Variants in GPBP1L1 observed in about 807,000 individuals in gnomAD.
GPBP1L1 encodes GC-rich promoter binding protein 1 like 1, also known as vasculin-like protein 1.
A neutral mutation model predicts 52.5 loss-of-function variants in GPBP1L1; 23 were observed. The ratio of observed to expected loss-of-function variants is 0.44; its 90% CI spans 0.32 to 0.62. The LOEUF (loss-of-function observed/expected upper bound fraction) is 0.62. Among genes scored for constraint, GPBP1L1 ranks in the 20% least tolerant of loss-of-function variants. GPBP1L1 has a pLI of 0.06. For missense variants in GPBP1L1, 596 were observed against 579.3 expected, an observed-to-expected ratio of 1.03 and a Z score of -0.30; for synonymous variants, 243 against 203.1, an observed-to-expected ratio of 1.20 and a Z score of -1.67.
chr1:45,680,740 T>G (rs1645203235), intron 2 of GPBP1L1, among the ~76,000 whole-genome samples: 1 of 152,090 alleles, frequency 6.6e-6, no homozygotes, highest in South Asian at 2.1e-4. Context: ...CTACCTAATT[T>G]GGAGACTCTT....
At chr1:45,686,696 C>G (rs1304211362), upstream of GPBP1L1, 1 of 152,330 alleles carries the variant, frequency 6.6e-6, no homozygotes, top group Non-Finnish European at 1.5e-5. Context: ...CAGTTCCCTA[C>G]GCTGCCAACG....
chr1:45,667,379 T>C (rs1265623628), intron 2 of GPBP1L1, among the ~76,000 whole-genome samples: 1 of 152,166 alleles, frequency 6.6e-6, no homozygotes, highest in African/African-American at 2.4e-5. Flanking sequence ...AAATATTTTA[T>C]CTCTTCAAAA....
intron 2 of GPBP1L1, among the ~76,000 whole-genome samples, chr1:45,662,430 C>A (rs771695033): frequency 4.6e-5 from 7 of 152,160 alleles, no homozygotes; most frequent in Non-Finnish European, 8.8e-5. Flanking sequence ...CAGGTGTCAG[C>A]CACTGTGCCT....
At chr1:45,668,384 T>C (rs1454614893) in intron 2 of GPBP1L1, among the ~76,000 whole-genome samples, 2 of 152,220 alleles carry the variant, frequency 1.3e-5, no homozygotes, top group Non-Finnish European at 2.9e-5. Context: ...CCAGGTGCAG[T>C]GGCTCACGCC....
chr1:45,639,574 TAAAAAAAAA>T (rs60435928), intron 8 of GPBP1L1, among the ~76,000 whole-genome samples: 1 of 130,138 alleles, frequency 7.7e-6, no homozygotes, highest in African/African-American at 2.9e-5. Flanking sequence ...AAAAAATAAT[TAAAAAAAAA>T]AAAAAAAAAA....
At position 45,660,859 on chromosome 1, in the gene GPBP1L1, G is replaced by A. The variant is rs1644939587; in HGVS notation, c.-731C>T. On this transcript the variant is annotated 5_prime_UTR_variant, in exon 3 of 13. Coordinates refer to ENST00000355105, the MANE Select transcript of GPBP1L1 (RefSeq NM_021639.5). ...AAAAATAAAAAATAAAAATAGACAG[G>A]AATTTGCTACACTTTTCCCTCCACG... The A allele has an allele frequency of 6.6e-6, 1 of 151,972 alleles. No homozygotes were observed. Among genetic ancestry groups the A allele is most frequent in the Non-Finnish European group, 1.5e-5 (1 of 68,004 alleles). The allele number at this position is 151,972 out of a possible 1,614,324, so 9.4% of individuals were successfully genotyped here.
At chr1:45,679,891 CAAAAAAAAAA>C (rs61208985) in intron 2 of GPBP1L1, among the ~76,000 whole-genome samples, 23 of 88,208 alleles carry the variant, frequency 2.6e-4, no homozygotes, top group African/African-American at 8.0e-4. Flanking sequence ...CTTATCTATA[CAAAAAAAAAA>C]AAAAAAAAAA....
At chr1:45,640,626 C>A (rs78394689) in intron 7 of GPBP1L1, among the ~76,000 whole-genome samples, 1,689 of 152,268 alleles carry the variant, frequency 0.011, 32 homozygotes, top group African/African-American at 0.038. Flanking sequence ...ATTTATAAAT[C>A]AGCCAGGAAG....
chr1:45,665,476 C>A (rs558357251), intron 2 of GPBP1L1, among the ~76,000 whole-genome samples: 1 of 152,042 alleles, frequency 6.6e-6, no homozygotes, highest in African/African-American at 2.4e-5. Flanking sequence ...GTTGGCCAAG[C>A]GCGGTGGCTC....
At chr1:45,657,541 AAAAAC>A (rs2148476737) in intron 4 of GPBP1L1, among the ~76,000 whole-genome samples, 1 of 152,276 alleles carries the variant, frequency 6.6e-6, no homozygotes, top group East Asian at 1.9e-4. Flanking sequence ...GTCTCAATAA[AAAAAC>A]AAACAAAAAT....
At chr1:45,685,003 T>C (rs1317925722) in intron 2 of GPBP1L1, among the ~76,000 whole-genome samples, 1 of 152,144 alleles carries the variant, frequency 6.6e-6, no homozygotes, top group African/African-American at 2.4e-5. Flanking sequence ...TTCCAAATAT[T>C]GAAATTTATT....
intron 2 of GPBP1L1, among the ~76,000 whole-genome samples, chr1:45,664,324 A>T (rs768445931): frequency 1.7e-4 from 25 of 150,936 alleles, no homozygotes; most frequent in Non-Finnish European, 3.5e-4. Context: ...CCGTCTCAAA[A>T]AAAAGGCCGG....
chr1:45,673,416 T>G (rs1645098699), intron 2 of GPBP1L1, among the ~76,000 whole-genome samples: 1 of 152,210 alleles, frequency 6.6e-6, no homozygotes, highest in Non-Finnish European at 1.5e-5. Context: ...TAAGCTACCA[T>G]GACTTTTGAC....
At chr1:45,686,894 G>A (rs919490342), upstream of GPBP1L1, 1 of 152,430 alleles carries the variant, frequency 6.6e-6, no homozygotes, top group Non-Finnish European at 1.5e-5. Flanking sequence ...TCCAGGGCCT[G>A]GGCGCGTATG....
At chr1:45,633,422 A>G in intron 10 of GPBP1L1, 67 bp downstream of exon 10, 1 of 1,528,566 alleles carries the variant, frequency 6.5e-7, no homozygotes, top group South Asian at 1.2e-5. Flanking sequence ...TCCTTTAAGA[A>G]GAAGAAATCA....
At chr1:45,669,143 T>C (rs1645044869) in intron 2 of GPBP1L1, among the ~76,000 whole-genome samples, 1 of 152,240 alleles carries the variant, frequency 6.6e-6, no homozygotes, top group South Asian at 2.1e-4. Flanking sequence ...TAACACCATT[T>C]AAGTTTGGCT....
intron 2 of GPBP1L1, among the ~76,000 whole-genome samples, chr1:45,680,330 C>T (rs1024641239): frequency 6.0e-5 from 9 of 151,060 alleles, no homozygotes; most frequent in Non-Finnish European, 8.8e-5. Context: ...CCACCACCTC[C>T]CAGGTTCCAG....
At position 45,661,040 on chromosome 1, in the gene GPBP1L1, C is replaced by A. The variant is rs1644941668; in HGVS notation, c.-912G>T. On this transcript the variant is annotated 5_prime_UTR_variant, in exon 3 of 13. Transcript: ENST00000355105. The stretch of plus-strand genomic sequence containing the variant: ...AAATAGTCAAGGAGAAATATAGGTC[C>A]AAAATGAGGATTTCTTCTCTTCAGT... The A allele has an allele frequency of 1.3e-5, 2 of 152,104 alleles. No individual in the cohort carries two copies. The highest frequency in any genetic ancestry group is 2.1e-4 in the South Asian group (1 of 4,830). The allele number at this position is 152,104 out of a possible 1,614,324, so 9.4% of individuals were successfully genotyped here. A position where few individuals can be genotyped will look rare whatever the true frequency, so the allele number is the denominator to read the frequency against.
chr1:45,642,847 T>C (rs2148444092), intron 6 of GPBP1L1, among the ~76,000 whole-genome samples: 1 of 152,326 alleles, frequency 6.6e-6, no homozygotes, highest in East Asian at 1.9e-4. Flanking sequence ...ATGTGGATCA[T>C]TTTCCTCAGA....
Sources: allele counts gnomAD v4.1 joint callset (sites outside exome capture counted in the v4.1 genomes callset), GRCh38; gene constraint gnomAD v4.1.1; transcripts MANE v1.5; gene names NCBI Gene and HGNC (gene_info 2026-07-23, HGNC 2026-07-21).